Variants in VPS26C observed in about 807,000 individuals in gnomAD.
The protein encoded by VPS26C is VPS26 endosomal protein sorting factor C.
Under a neutral mutation model 30.6 loss-of-function variants are expected in VPS26C, and 19 were observed. The observed-to-expected ratio is 0.62, with a 90% CI of 0.43 to 0.91. The LOEUF (loss-of-function observed/expected upper bound fraction) is 0.91, where lower values mean the gene tolerates loss of function less well. Among genes scored for constraint, VPS26C ranks in the 40% least tolerant of loss-of-function variants. The pLI, the probability that VPS26C is intolerant of heterozygous loss-of-function variation, is 0.00. For missense variants in VPS26C, 318 were observed against 385.1 expected (o/e 0.83, Z 1.46); for synonymous variants, 132 against 151.5 (o/e 0.87, Z 0.95).
chr21:37,242,749 C>T (rs748484314), intron 1 of VPS26C, among the ~76,000 whole-genome samples: 7 of 152,164 alleles, frequency 4.6e-5, no homozygotes, highest in Non-Finnish European at 7.3e-5. Context: ...TAACCCTTTC[C>T]GTCAGTCTCA....
intron 1 of VPS26C, among the ~76,000 whole-genome samples, chr21:37,246,202 T>C (rs1236215489): frequency 6.6e-6 from 1 of 152,086 alleles, no homozygotes; most frequent in African/African-American, 2.4e-5. Context: ...AAAAGTGTTC[T>C]CATTCAAAAA....
chr21:37,241,991 T>C (rs938908711), intron 1 of VPS26C, among the ~76,000 whole-genome samples: 1 of 152,244 alleles, frequency 6.6e-6, no homozygotes, highest in African/African-American at 2.4e-5. Flanking sequence ...ATATTCTATG[T>C]CCCTTAAATG....
upstream of VPS26C, chr21:37,267,350 A>C: frequency 1.3e-6 from 2 of 1,522,772 alleles, no homozygotes; most frequent in Non-Finnish European, 1.8e-6. Context: ...CAGGGAAACA[A>C]GGGGCGCCTC....
intron 1 of VPS26C, among the ~76,000 whole-genome samples, chr21:37,266,450 C>T (rs1198829225): frequency 6.6e-6 from 1 of 152,060 alleles, no homozygotes. Context: ...ACATATATCA[C>T]CGGTATCGCT....
In VPS26C at chr21:37,247,279, ATAAACT is replaced by A. The variant is rs534804774; in HGVS notation, c.58-6646_58-6641del. Reference sequence around the variant, plus strand: ...TAATAAGTCAAATAATGTCGTACAAATAAACTTAACAGAAGTAAACAACGACGAATA... The same window carrying A: ...TAATAAGTCAAATAATGTCGTACAAATAACAGAAGTAAACAACGACGAATA... On this transcript the variant is annotated intron_variant, in intron 1 of 7. Coordinates refer to ENST00000309117, the MANE Select transcript of VPS26C (RefSeq NM_006052.2). 2.6e-5 allele frequency among the ~76,000 whole-genome samples: 4 copies of A among 152,340 alleles called. 1 individual carries two copies. The East Asian group carries it at 7.7e-4, about 29-fold the overall frequency.
chr21:37,257,675 A>G lies in VPS26C; in HGVS notation c.57+9563T>C, dbSNP rs1490215167. 6.6e-6 allele frequency among the ~76,000 whole-genome samples: 1 copy of G among 152,170 alleles called. No homozygotes were observed. The highest frequency in any genetic ancestry group is 1.5e-5 in the Non-Finnish European group (1 of 68,026). On this transcript the variant is annotated intron_variant, in intron 1 of 7. Transcript: ENST00000309117. This position sits in a 1 kb window ranked among gnomAD's most constrained non-coding sequence, Gnocchi z 4.2. The stretch of plus-strand genomic sequence containing the variant: ...AGCTGGCTTCCCCTTCCAGCTTTTC[A>G]CAACCCTGCCTTGCTCATGGTCAGC...
Position 37,247,015 on chromosome 21 carries a change from A to G in VPS26C, c.58-6376T>C, listed in dbSNP as rs150107392. On this transcript the variant is annotated intron_variant, in intron 1 of 7. Transcript: ENST00000309117. ...TCAAGCAATCCTGCCTTGGCCTCCC[A>G]AAGTGCTGGGATTACAGGTGTGAGC... Among the ~76,000 whole-genome samples, 498 of 152,348 alleles carry G rather than the reference A, an allele frequency of 3.3e-3. 7 individuals are homozygous for G. The highest frequency in any genetic ancestry group is 0.011 in the African/African-American group (476 of 41,582).
intron 2 of VPS26C, among the ~76,000 whole-genome samples, chr21:37,239,205 A>C (rs766175184): frequency 6.6e-6 from 1 of 152,246 alleles, no homozygotes; most frequent in Non-Finnish European, 1.5e-5. Flanking sequence ...CTTTTTAAGC[A>C]TTTATAGTTT....
At chr21:37,239,665 G>A (rs867416798) in intron 2 of VPS26C, among the ~76,000 whole-genome samples, 16 of 150,584 alleles carry the variant, frequency 1.1e-4, no homozygotes, top group Non-Finnish European at 8.8e-5. Context: ...GTGCAATGGC[G>A]CCATCTCAGC....
chr21:37,249,702 G>A (rs1035617317), intron 1 of VPS26C, among the ~76,000 whole-genome samples: 5 of 152,100 alleles, frequency 3.3e-5, no homozygotes, highest in Non-Finnish European at 7.4e-5. Context: ...CTTTTTTGAG[G>A]GGGAGATGGC....
At chr21:37,227,828 A>G (rs761053926) in intron 6 of VPS26C, 22 bp from the exon 7 acceptor site, 4 of 1,590,792 alleles carry the variant, frequency 2.5e-6, no homozygotes, top group Non-Finnish European at 3.4e-6. Context: ...AGGCCACATC[A>G]CGCGGTCAGG....
intron 1 of VPS26C, among the ~76,000 whole-genome samples, chr21:37,266,110 G>C (rs577338162): frequency 6.6e-6 from 1 of 151,930 alleles, no homozygotes; most frequent in South Asian, 2.1e-4. Context: ...TAGAGACCAG[G>C]TTTCACCATG....
chr21:37,227,071 TATG>T (rs2085907252), intron 7 of VPS26C: 1 of 152,444 alleles, frequency 6.6e-6, no homozygotes, highest in East Asian at 1.9e-4. Flanking sequence ...ATGGTTAAAA[TATG>T]AACACACAGG....
intron 7 of VPS26C, 82 bp from the exon 8 acceptor site, chr21:37,225,708 A>C (rs1036227926): frequency 1.3e-5 from 16 of 1,232,760 alleles, no homozygotes; most frequent in Admixed American, 1.2e-4. Flanking sequence ...CAGTCGCAGG[A>C]AGCTCTAACG....
intron 5 of VPS26C, chr21:37,230,467 C>T (rs550726449): frequency 1.3e-5 from 2 of 152,340 alleles, no homozygotes; most frequent in African/African-American, 2.4e-5. Context: ...AGATTTTCTA[C>T]AATACATCTC....
In VPS26C at chr21:37,226,354, C is replaced by T. The variant is rs2148279728; in HGVS notation, c.812-728G>A. On this transcript the variant is annotated intron_variant, in intron 7 of 7. Transcript: ENST00000309117. The surrounding 1 kb of genome is among the most constrained non-coding windows in gnomAD (Gnocchi z 4.1). ...TGGAAGGGGCCTTGGAGTCAGTGCC[C>T]ACCTGTGGCTGGGGTCTGCAGGACA... 6.6e-6 allele frequency: 1 copy of T among 152,476 alleles called. No individual in the cohort carries two copies. The highest frequency in any genetic ancestry group is 2.4e-5 in the African/African-American group (1 of 41,586). 9.4% of individuals were successfully genotyped at this position (152,476 alleles called of 1,614,324 possible).
At chr21:37,264,714 G>A (rs1405274534) in intron 1 of VPS26C, among the ~76,000 whole-genome samples, 1 of 152,136 alleles carries the variant, frequency 6.6e-6, no homozygotes, top group Non-Finnish European at 1.5e-5. Context: ...ACTGTAAAGT[G>A]GTGCAGACAT....
At chr21:37,243,425 G>T (rs2086107631) in intron 1 of VPS26C, among the ~76,000 whole-genome samples, 1 of 152,124 alleles carries the variant, frequency 6.6e-6, no homozygotes, top group African/African-American at 2.4e-5. Context: ...CCTGGGAAAG[G>T]CCATATTGTC....
rs2085989435 is a variant in VPS26C, at chr21:37,233,598, T to C, written c.352-156A>G. On this transcript the variant is annotated intron_variant, in intron 3 of 7. Transcript: ENST00000309117. The surrounding 1 kb of genome is among the most constrained non-coding windows in gnomAD (Gnocchi z 5.2). ...TTAACATACATAATATAATACATAA[T>C]AGGATAGTTAATGTTCAAAATAAAG... Among the ~76,000 whole-genome samples, 1 of 152,180 alleles carries C rather than the reference T, an allele frequency of 6.6e-6. No homozygotes were observed. The highest frequency in any genetic ancestry group is 1.5e-5 in the Non-Finnish European group (1 of 68,028).
Sources: allele counts gnomAD v4.1 joint callset (sites outside exome capture counted in the v4.1 genomes callset), GRCh38; gene constraint gnomAD v4.1.1; non-coding constraint Gnocchi (gnomAD v3.1); transcripts MANE v1.5; gene names NCBI Gene and HGNC (gene_info 2026-07-23, HGNC 2026-07-21).